The following SLC6A5 variants were observed in gnomAD, a reference collection of about 807,000 sequenced individuals.
The protein encoded by SLC6A5 is sodium- and chloride-dependent glycine transporter 2.
A neutral mutation model predicts 90.5 loss-of-function variants in SLC6A5; 58 were observed. The ratio of observed to expected loss-of-function variants is 0.64; its 90% CI spans 0.52 to 0.80. The LOEUF is 0.80. Among genes scored for constraint, SLC6A5 ranks in the 30% least tolerant of loss-of-function variants. The pLI is 0.00. For synonymous variants in SLC6A5, 427 were observed against 401.4 expected, an observed-to-expected ratio of 1.06 and a Z score of -0.76; for missense variants, 1,015 against 1,017.6, an observed-to-expected ratio of 1.00 and a Z score of 0.03.
In SLC6A5 at chr11:20,638,253, T is replaced by C. The variant is rs140364596; in HGVS notation, c.1870-206T>C. ...TTATATTGATTAGCTCGGAGCCTGT[T>C]GAGGAACTGCTTTGCTGACTCAGCA... On this transcript the variant is annotated intron_variant, in intron 12 of 15. Coordinates refer to ENST00000525748, the MANE Select transcript of SLC6A5 (RefSeq NM_004211.5). 1.7e-3 allele frequency among the ~76,000 whole-genome samples: 266 copies of C among 152,332 alleles called. 2 individuals are homozygous for C. Among genetic ancestry groups the C allele is most frequent in the African/African-American group, 6.2e-3 (258 of 41,580 alleles).
chr11:20,609,454 A>T (rs1236571861), intron 5 of SLC6A5, among the ~76,000 whole-genome samples: 1 of 152,116 alleles, frequency 6.6e-6, no homozygotes, highest in Non-Finnish European at 1.5e-5. Context: ...GGTGACTTAG[A>T]AAAGTTGATG....
At chr11:20,616,599 G>A (rs1852787236) in intron 6 of SLC6A5, among the ~76,000 whole-genome samples, 1 of 152,158 alleles carries the variant, frequency 6.6e-6, no homozygotes, top group South Asian at 2.1e-4. Context: ...TGGGACATGG[G>A]GAAGGTCCTT....
chr11:20,643,330 A>G (rs1271498563), intron 13 of SLC6A5, among the ~76,000 whole-genome samples: 1 of 151,362 alleles, frequency 6.6e-6, no homozygotes, highest in Non-Finnish European at 1.5e-5. Context: ...CTCTCCCCTC[A>G]CTTATGCTCA....
intron 13 of SLC6A5, among the ~76,000 whole-genome samples, chr11:20,645,857 G>A (rs1344928962): frequency 2.0e-5 from 3 of 151,998 alleles, no homozygotes; most frequent in Admixed American, 6.6e-5. Flanking sequence ...GGATGTTCTC[G>A]ATCTCCTGAC....
intron 7 of SLC6A5, among the ~76,000 whole-genome samples, chr11:20,623,153 T>C (rs1435556734): frequency 1.3e-5 from 2 of 152,182 alleles, no homozygotes; most frequent in Non-Finnish European, 2.9e-5. Context: ...ACTGCTGTTC[T>C]GTGGTGCAGG....
At chr11:20,607,316 A>G (rs907910951) in intron 4 of SLC6A5, among the ~76,000 whole-genome samples, 163 bp from the exon 5 acceptor site, 1 of 151,668 alleles carries the variant, frequency 6.6e-6, no homozygotes, top group Non-Finnish European at 1.5e-5. Flanking sequence ...TTGAGTTCCC[A>G]GCAGAATGCC....
chr11:20,635,034 C>T (rs1024511391), intron 10 of SLC6A5, among the ~76,000 whole-genome samples: 2 of 152,086 alleles, frequency 1.3e-5, no homozygotes, highest in African/African-American at 4.8e-5. Flanking sequence ...TTTACGATAG[C>T]AGAGAAAACT....
intron 14 of SLC6A5, among the ~76,000 whole-genome samples, chr11:20,650,709 C>T (rs949837002): frequency 5.2e-5 from 7 of 133,686 alleles, no homozygotes; most frequent in Non-Finnish European, 1.1e-4. Flanking sequence ...CTCTGTCGCC[C>T]AGGCTGGAGT....
At chr11:20,624,093 T>G (rs1329519967) in intron 7 of SLC6A5, among the ~76,000 whole-genome samples, 1 of 145,402 alleles carries the variant, frequency 6.9e-6, no homozygotes, top group Non-Finnish European at 1.5e-5. Flanking sequence ...AATATATATA[T>G]AAGTATGTAT....
chr11:20,601,350 A>C lies in SLC6A5; in HGVS notation c.225A>C (p.Pro75=), dbSNP rs1205577391. ...CGCGAGCCTGCGAGGCTGAGCGGCC[A>C]GGAGTGGGGTCTTGCAAACTCAGTA... is the stretch of plus-strand genomic sequence containing the variant. ...ADARACEAER[P]GVGSCKLSSP... The change falls in exon 2 of 16, where the codon CCA becomes CCC. Residue 75 remains proline, a synonymous_variant. Coordinates refer to ENST00000525748, the MANE Select transcript of SLC6A5 (RefSeq NM_004211.5). 3.1e-6 allele frequency: 5 copies of C among 1,600,378 alleles called. No individual in the cohort carries two copies. Among genetic ancestry groups the C allele is most frequent in the Non-Finnish European group, 4.3e-6 (5 of 1,175,768 alleles).
rs1166363819 is a variant in SLC6A5 at position 20,607,083 on chromosome 11, C to T, written c.756C>T (p.Gly252=). Residue 252 remains glycine, a synonymous_variant, in exon 4 of 16, where the codon GGC becomes GGT. Transcript: ENST00000525748. Reference sequence around the variant, plus strand: ...TCTTCTTCTTGGAGGTGTCGCTGGGCCAGTTTGCCAGCCAGGGACCAGTGT... The same window carrying T: ...TCTTCTTCTTGGAGGTGTCGCTGGGTCAGTTTGCCAGCCAGGGACCAGTGT... The part of the protein sequence containing the change: ...LPIFFLEVSL[G]QFASQGPVSV... 4 of 1,613,928 alleles carry T rather than the reference C, an allele frequency of 2.5e-6. No individual in the cohort carries two copies. The African/African-American group carries it at 5.3e-5, about 22-fold the overall frequency.
chr11:20,652,807 C>T (rs1853567474), intron 15 of SLC6A5, among the ~76,000 whole-genome samples: 1 of 152,152 alleles, frequency 6.6e-6, no homozygotes, highest in African/African-American at 2.4e-5. Context: ...ACATCAGATT[C>T]CCCCTTCCCT....
chr11:20,611,337 C>T (rs1269294361), intron 5 of SLC6A5, among the ~76,000 whole-genome samples: 2 of 152,202 alleles, frequency 1.3e-5, no homozygotes, highest in Admixed American at 6.5e-5. Context: ...CACCTGTAAT[C>T]CCAGCTACTT....
At position 20,614,799 on chromosome 11, in the gene SLC6A5, G is replaced by A; in HGVS notation, c.1106G>A (p.Ser369Asn). ...AGCCAGGCCAATAAGACATTTGTCA[G>A]TGGAAGTGAAGAGTACTTCAAGTAA... ...FTSQANKTFV[S>N]GSEEYFKYFV... Residue 369 changes from serine to asparagine, a missense_variant, in exon 6 of 16, where the codon AGT becomes AAT. Ser to Asn is a conservative substitution (Grantham distance 46). This residue lies in a region of SLC6A5 where 567 missense variants were observed against 507.3 expected (regional missense o/e 1.12). Transcript: ENST00000525748. 1.2e-6 allele frequency: 2 copies of A among 1,613,916 alleles called. No individual in the cohort carries two copies. The highest frequency in any genetic ancestry group is 1.1e-5 in the South Asian group (1 of 91,084).
chr11:20,634,726 G>C (rs1034768448), intron 10 of SLC6A5, among the ~76,000 whole-genome samples: 1 of 152,188 alleles, frequency 6.6e-6, no homozygotes, highest in African/African-American at 2.4e-5. Context: ...TGGCATTTGA[G>C]GCTTTATATT....
In SLC6A5 at chr11:20,655,862, T is replaced by C. The variant is rs1239639720; in HGVS notation, c.*994T>C. 6.6e-6 allele frequency: 1 copy of C among 152,202 alleles called. No individual in the cohort carries two copies. Among genetic ancestry groups the C allele is most frequent in the Non-Finnish European group, 1.5e-5 (1 of 68,040 alleles). The allele number at this position is 152,202 out of a possible 1,614,324, so 9.4% of individuals were successfully genotyped here. A position where few individuals can be genotyped will look rare whatever the true frequency, so the allele number is the denominator to read the frequency against. On this transcript the variant is annotated 3_prime_UTR_variant, in exon 16 of 16. Coordinates refer to ENST00000525748, the MANE Select transcript of SLC6A5 (RefSeq NM_004211.5). ...AGACAGATAACTTCTTAATTTTTAC[T>C]CTTTTTCATTCACAGTAAATGCCAA...
intron 13 of SLC6A5, 152 bp from the exon 14 acceptor site, chr11:20,646,682 T>G (rs996948523): frequency 1.0e-5 from 7 of 672,240 alleles, no homozygotes; most frequent in Admixed American, 4.5e-5. Context: ...ATTTGTCTGA[T>G]GGTTCCCTGC....
intron 10 of SLC6A5, 130 bp from the exon 11 acceptor site, chr11:20,636,177 A>T: frequency 1.4e-6 from 1 of 718,168 alleles, no homozygotes; most frequent in South Asian, 1.5e-5. Flanking sequence ...TGAGTAAAAA[A>T]TAACCAACAG....
intron 10 of SLC6A5, among the ~76,000 whole-genome samples, chr11:20,635,751 A>T (rs917777539): frequency 6.6e-6 from 1 of 152,160 alleles, no homozygotes; most frequent in Non-Finnish European, 1.5e-5. Flanking sequence ...GACATTTGAG[A>T]CAGGATAATT....
Sources: allele counts gnomAD v4.1 joint callset (sites outside exome capture counted in the v4.1 genomes callset), GRCh38; gene constraint gnomAD v4.1.1; regional missense constraint gnomAD v4.1.1; transcripts MANE v1.5; gene names NCBI Gene and HGNC (gene_info 2026-07-23, HGNC 2026-07-21).